The following EVC2 variants were observed in gnomAD, a reference collection of about 807,000 sequenced individuals.
EVC2 encodes the protein EvC ciliary complex subunit 2.
In EVC2, 148 loss-of-function variants were observed where a neutral mutation model predicts 149.3. The observed-to-expected ratio is 0.99, with a 90% CI of 0.87 to 1.14. EVC2 has a LOEUF of 1.14. Among genes scored for constraint, EVC2 ranks in the 50% most tolerant of loss-of-function variants. EVC2 has a pLI of 0.00. For synonymous variants in EVC2, 776 were observed against 649.9 expected (o/e 1.19, Z -2.95); for missense variants, 1,854 against 1,627.3 (o/e 1.14, Z -2.40).
intron 9 of EVC2, among the ~76,000 whole-genome samples, chr4:5,647,508 T>G (rs980836314): frequency 6.6e-6 from 1 of 152,204 alleles, no homozygotes; most frequent in Non-Finnish European, 1.5e-5. Context: ...TTATTGAACA[T>G]GTGTCTATGC....
At chr4:5,572,573 C>T (rs945638354) in intron 19 of EVC2, among the ~76,000 whole-genome samples, 7 of 152,168 alleles carry the variant, frequency 4.6e-5, no homozygotes, top group African/African-American at 1.7e-4. Flanking sequence ...ACTGCATCTG[C>T]AGGTACCTTG....
At chr4:5,632,721 G>C (rs1017238440) in intron 10 of EVC2, among the ~76,000 whole-genome samples, 4 of 152,138 alleles carry the variant, frequency 2.6e-5, no homozygotes, top group Non-Finnish European at 5.9e-5. Context: ...CATAGTATGA[G>C]GTCTTGTGTG....
rs1717229850 is a variant in EVC2, at chr4:5,640,372, G to T, written c.1470+142C>A. ...TGGTTGGATGAATGAATGGAAGGATGAATAGATGAATGAGTGGGTGGTTGG... is the reference window on the plus strand; with the variant it reads ...TGGTTGGATGAATGAATGGAAGGATTAATAGATGAATGAGTGGGTGGTTGG... On this transcript the variant is annotated intron_variant, in intron 10 of 21. Transcript: ENST00000344408. The surrounding 1 kb of genome is among the most constrained non-coding windows in gnomAD (Gnocchi z 4.6). 2 of 970,866 alleles carry T rather than the reference G, an allele frequency of 2.1e-6. No individual in the cohort carries two copies. Among genetic ancestry groups the T allele is most frequent in the Non-Finnish European group, 3.3e-6 (2 of 603,696 alleles). 60.1% of individuals were successfully genotyped at this position (970,866 alleles called of 1,614,324 possible).
chr4:5,580,922 AGT>A (rs963319747), intron 17 of EVC2, among the ~76,000 whole-genome samples: 3 of 152,084 alleles, frequency 2.0e-5, no homozygotes, highest in African/African-American at 7.2e-5. Context: ...ATCTTATGAT[AGT>A]GAGTGAGTTG....
intron 16 of EVC2, among the ~76,000 whole-genome samples, chr4:5,615,026 C>G (rs1426025747): frequency 1.3e-5 from 2 of 151,916 alleles, no homozygotes; most frequent in African/African-American, 2.4e-5. Flanking sequence ...GAAGGGAGAG[C>G]CTGGTGAGTT....
intron 16 of EVC2, among the ~76,000 whole-genome samples, chr4:5,610,669 C>T (rs1714739690): frequency 6.6e-6 from 1 of 152,138 alleles, no homozygotes; most frequent in Non-Finnish European, 1.5e-5. Context: ...CCTCCCCATC[C>T]CTTGAAGGCC....
At chr4:5,562,304 T>A (rs1721999339), downstream of EVC2, 1 of 298,108 alleles carries the variant, frequency 3.4e-6, no homozygotes, top group African/African-American at 2.2e-5. This position sits in a 1 kb window ranked among gnomAD's most constrained non-coding sequence, Gnocchi z 4.3. Flanking sequence ...CCCCAGGGGC[T>A]GACACATGTT....
In EVC2 at chr4:5,677,337, G is replaced by C. The variant is rs555936838; in HGVS notation, c.870+3923C>G. ...GCCTTATGGTCCAAGAGTCAGCTGG[G>C]CCCACACAACACCATAGGGCCATCC... is the stretch of plus-strand genomic sequence containing the variant. On this transcript the variant is annotated intron_variant, in intron 7 of 21. Coordinates refer to ENST00000344408, the MANE Select transcript of EVC2 (RefSeq NM_147127.5). This position sits in a 1 kb window ranked among gnomAD's most constrained non-coding sequence, Gnocchi z 4.3. 5.9e-5 allele frequency among the ~76,000 whole-genome samples: 9 copies of C among 152,280 alleles called. No homozygotes were observed. Among genetic ancestry groups the C allele is most frequent in the African/African-American group, 2.2e-4 (9 of 41,562 alleles).
At chr4:5,695,280 G>A (rs545569470) in intron 2 of EVC2, among the ~76,000 whole-genome samples, 9 of 151,700 alleles carry the variant, frequency 5.9e-5, no homozygotes, top group Admixed American at 2.6e-4. Context: ...CCTGGGAGGC[G>A]GAGGTTGCAG....
At position 5,599,500 on chromosome 4, in the gene EVC2, T is replaced by A. The variant is rs529183313; in HGVS notation, c.2830-14650A>T. Among the ~76,000 whole-genome samples, 570 of 151,936 alleles carry A rather than the reference T, an allele frequency of 3.8e-3. 7 individuals are homozygous for A. The highest frequency in any genetic ancestry group is 0.013 in the African/African-American group (550 of 41,414). ...AAAACCAAACACCGTATATTCTCAC[T>A]CACAGGTGGGAATTGAACAATGAGA... On this transcript the variant is annotated intron_variant, in intron 16 of 21. Transcript: ENST00000344408.
Position 5,613,855 on chromosome 4 carries a change from A to C in EVC2, c.2829+1567T>G, listed in dbSNP as rs115137207. ...AGGGTTGCCACTTCCTGGATCCCTTAAGACATCAACAACCTGGACACACCT... is the reference window on the plus strand; with the variant it reads ...AGGGTTGCCACTTCCTGGATCCCTTCAGACATCAACAACCTGGACACACCT... On this transcript the variant is annotated intron_variant, in intron 16 of 21. Coordinates refer to ENST00000344408, the MANE Select transcript of EVC2 (RefSeq NM_147127.5). The surrounding 1 kb of genome is among the most constrained non-coding windows in gnomAD (Gnocchi z 4.6). Among the ~76,000 whole-genome samples, 308 of 152,282 alleles carry C rather than the reference A, an allele frequency of 2.0e-3. No homozygotes were observed. Among genetic ancestry groups the C allele is most frequent in the African/African-American group, 7.2e-3 (300 of 41,560 alleles).
intron 9 of EVC2, among the ~76,000 whole-genome samples, chr4:5,661,834 T>C (rs543791879): frequency 6.6e-6 from 1 of 152,358 alleles, no homozygotes; most frequent in African/African-American, 2.4e-5. Context: ...GTATATGCCC[T>C]TGGGCAAGTT....
chr4:5,702,474 T>TGGTCTC (rs1721888362), intron 1 of EVC2, among the ~76,000 whole-genome samples: 1 of 152,242 alleles, frequency 6.6e-6, no homozygotes, highest in African/African-American at 2.4e-5. Context: ...CCCAGAGGCC[T>TGGTCTC]GGTCTCTGCT....
intron 17 of EVC2, among the ~76,000 whole-genome samples, chr4:5,577,194 A>G (rs559167258): frequency 8.5e-4 from 129 of 152,368 alleles, no homozygotes; most frequent in African/African-American, 2.8e-3. Flanking sequence ...CAGATGATGT[A>G]ACTATTGAGT....
chr4:5,547,801 T>C (rs1178140910), intron 21 of EVC2, among the ~76,000 whole-genome samples: 1 of 152,154 alleles, frequency 6.6e-6, no homozygotes, highest in African/African-American at 2.4e-5. Flanking sequence ...GGCTGAAACA[T>C]ACCCCTTGCT....
In EVC2 at chr4:5,706,373, G is replaced by GATAC. The variant is rs1560243403; in HGVS notation, c.228+1912_228+1913insGTAT. Among the ~76,000 whole-genome samples the GATAC allele has an allele frequency of 9.8e-4, 88 of 90,016 alleles. 10 individuals are homozygous for GATAC. Among genetic ancestry groups the GATAC allele is most frequent in the East Asian group, 2.2e-3 (7 of 3,242 alleles). 59.1% of individuals were successfully genotyped at this position (90,016 alleles called of 152,430 possible). On this transcript the variant is annotated intron_variant, in intron 1 of 21. Coordinates refer to ENST00000344408, the MANE Select transcript of EVC2 (RefSeq NM_147127.5). ...AGATAGACACATAGATAGATACATA[G>GATAC]ATAGATACATAGATAGATACATAGA...
intron 2 of EVC2, 148 bp from the exon 3 acceptor site, chr4:5,694,649 CA>C (rs1721350206): frequency 1.2e-6 from 1 of 859,054 alleles, no homozygotes; most frequent in African/African-American, 1.7e-5. Flanking sequence ...TGAATGATAT[CA>C]TCTCTTTGCC....
intron 16 of EVC2, among the ~76,000 whole-genome samples, chr4:5,592,030 G>A (rs1157800155): frequency 6.6e-6 from 1 of 152,096 alleles, no homozygotes; most frequent in East Asian, 1.9e-4. Context: ...AGAGTTATTG[G>A]GATTCTAAAG....
intron 19 of EVC2, 45 bp downstream of exon 19, chr4:5,574,640 C>A: frequency 6.4e-7 from 1 of 1,561,788 alleles, no homozygotes; most frequent in Non-Finnish European, 8.8e-7. Context: ...GATGAAGTGA[C>A]GTGCTGGCAA....
Sources: allele counts gnomAD v4.1 joint callset (sites outside exome capture counted in the v4.1 genomes callset), GRCh38; gene constraint gnomAD v4.1.1; non-coding constraint Gnocchi (gnomAD v3.1); transcripts MANE v1.5; gene names NCBI Gene and HGNC (gene_info 2026-07-23, HGNC 2026-07-21).